The following SEMA4G variants were observed in gnomAD, a reference collection of about 807,000 sequenced individuals.
The protein encoded by SEMA4G is semaphorin 4G, also known as semaphorin-4G.
Under a neutral mutation model 81.2 loss-of-function variants are expected in SEMA4G, and 59 were observed. That is an observed-to-expected ratio of 0.73 (90% confidence interval 0.59 to 0.90). The LOEUF (loss-of-function observed/expected upper bound fraction) is 0.90, where lower values mean the gene tolerates loss of function less well. Ranked by LOEUF, SEMA4G falls within the 40% of genes least tolerant of loss-of-function variation. The pLI is 0.00. For missense variants in SEMA4G, 952 were observed against 1,102.3 expected (o/e 0.86, Z 1.93); for synonymous variants, 404 against 433.9 (o/e 0.93, Z 0.86).
rs576886833 is a variant in SEMA4G, at chr10:100,976,754, G to A, written c.337-878G>A. Among the ~76,000 whole-genome samples the A allele has an allele frequency of 3.9e-5, 6 of 152,348 alleles. No individual in the cohort carries two copies. The South Asian group carries it at 1.0e-3, about 26-fold the overall frequency. On this transcript the variant is annotated intron_variant, in intron 3 of 13. Transcript: ENST00000370250. ...AGTCTTCTTGGCAGGCAACCTGGGA[G>A]ACAGGGATAAATGGGAGACTCCCTG...
rs149008935 is a variant in SEMA4G, at chr10:100,978,305, C to A, written c.446C>A (p.Ala149Asp). The A allele has an allele frequency of 1.4e-4, 228 of 1,612,736 alleles. No homozygotes were observed. The highest frequency in any genetic ancestry group is 1.8e-4 in the Non-Finnish European group (207 of 1,179,500). ...TTCCTTGTTCCCTAGGATGCTGAGG[C>A]CTTCACCTTGCCAACCAGCTTCGAG... Residue 149 changes from alanine (A) to aspartate (D), a missense_variant, in exon 5 of 14, where the codon GCC (alanine) becomes GAC (aspartate). Transcript: ENST00000370250.
chr10:100,979,368 T>G (rs1589988456), intron 8 of SEMA4G, 97 bp downstream of exon 9: 1 of 1,592,302 alleles, frequency 6.3e-7, no homozygotes, highest in Non-Finnish European at 8.5e-7. Flanking sequence ...TGTGGGGAGG[T>G]CTGGCTGCAA....
At position 100,973,470 on chromosome 10, in the gene SEMA4G, TG is replaced by T; in HGVS notation, c.274-73del. 6.7e-7 allele frequency: 1 copy of T among 1,502,802 alleles called. No homozygotes were observed. The highest frequency in any genetic ancestry group is 9.2e-7 in the Non-Finnish European group (1 of 1,084,914). 93.1% of individuals were successfully genotyped at this position (1,502,802 alleles called of 1,614,324 possible). Reference sequence around the variant, plus strand: ...CCCCACCCCAATTTCCCCAACTCTGTGGGGTCCTATTGCCTGGTCCTATGAG... The same window carrying T: ...CCCCACCCCAATTTCCCCAACTCTGTGGGTCCTATTGCCTGGTCCTATGAG... On this transcript the variant is annotated intron_variant, in intron 2 of 13. Coordinates refer to ENST00000370250, the Ensembl canonical transcript of SEMA4G. This position sits in a 1 kb window ranked among gnomAD's most constrained non-coding sequence, Gnocchi z 5.5.
exon 14 of SEMA4G, chr10:100,984,284 C>A: frequency 6.9e-7 from 1 of 1,439,826 alleles, no homozygotes; most frequent in Non-Finnish European, 9.1e-7. Flanking sequence ...GCCAGTCAGG[C>A]CCAGCCAAAG....
Position 100,973,552 on chromosome 10 carries a change from C to G in SEMA4G, c.279C>G (p.His93Gln), listed in dbSNP as rs765388169. The change falls in exon 3 of 14, where the codon CAC (histidine) becomes CAG (glutamine). Residue 93 changes from histidine (H) to glutamine (Q), a missense_variant. By Grantham distance (24) the His-to-Gln change is conservative. Coordinates refer to ENST00000370250, the Ensembl canonical transcript of SEMA4G. This position sits in a 1 kb window ranked among gnomAD's most constrained non-coding sequence, Gnocchi z 5.5. ...ATTCCCTTTGCCTCCACTAGATCCA[C>G]TGGGAAGCCTCCCCAGAGATGCAAA... The G allele has an allele frequency of 9.9e-6, 16 of 1,613,998 alleles. No homozygotes were observed. The highest frequency in any genetic ancestry group is 1.4e-5 in the Non-Finnish European group (16 of 1,180,000).
chr10:100,980,957 G>A lies in SEMA4G; in HGVS notation c.1603G>A (p.Ala535Thr), dbSNP rs761371562. The A allele has an allele frequency of 3.3e-5, 53 of 1,606,358 alleles. 2 individuals carry two copies. The highest frequency in any genetic ancestry group is 1.0e-4 in the South Asian group (9 of 90,218). ...CTGGGACCCTGGCACCCATGCCTGC[G>A]CAGCAGCCACCACCATAGCCAACAG... The change falls in exon 12 of 14, where the codon GCA (alanine) becomes ACA (threonine). Residue 535 changes from alanine to threonine, a missense_variant. Physicochemically the swap from Ala to Thr is moderately conservative, Grantham distance 58. Coordinates refer to ENST00000370250, the Ensembl canonical transcript of SEMA4G.
chr10:100,978,764 G>A (rs999279935), intron 6 of SEMA4G, 85 bp from the exon 8 acceptor site: 5 of 1,570,608 alleles, frequency 3.2e-6, no homozygotes, highest in Non-Finnish European at 4.4e-6. Flanking sequence ...ATTCCTGTGT[G>A]TTGTCAAGTG....
intron 7 of SEMA4G, 37 bp from the exon 9 acceptor site, chr10:100,979,065 G>A: frequency 3.1e-6 from 5 of 1,613,088 alleles, no homozygotes; most frequent in Non-Finnish European, 4.2e-6. Flanking sequence ...CTGGACCTCT[G>A]ACCCTGGCCC....
chr10:100,978,339 G>A (rs374443024), exon 5 of SEMA4G: 13 of 1,613,624 alleles, frequency 8.1e-6, no homozygotes, highest in Admixed American at 1.7e-5. Context: ...AGGAGGGGAA[G>A]GAGAAGTGTC....
At position 100,972,724 on chromosome 10, in the gene SEMA4G, A is replaced by C; in HGVS notation, c.-189A>C. The C allele has an allele frequency of 1.8e-6, 1 of 556,904 alleles. No individual in the cohort carries two copies. Among genetic ancestry groups the C allele is most frequent in the Non-Finnish European group, 3.1e-6 (1 of 318,510 alleles). 34.5% of individuals were successfully genotyped at this position (556,904 alleles called of 1,614,324 possible). A position where few individuals can be genotyped will look rare whatever the true frequency, so the allele number is the denominator to read the frequency against. ...CATGGCCACACAACCCTGTGACTCC[A>C]TGTCCCCCCGATTCCAGGACCCCCC... On this transcript the variant is annotated 5_prime_UTR_variant, in exon 1 of 14. An upstream start codon of the reference 5' UTR is lost. Transcript: ENST00000370250.
chr10:100,980,648 C>T (rs767751429), exon 11 of SEMA4G: 1 of 1,614,186 alleles, frequency 6.2e-7, no homozygotes, highest in South Asian at 1.1e-5. Flanking sequence ...CACAAGTGTT[C>T]AGGGAGTCCC....
intron 12 of SEMA4G, chr10:100,980,989 G>A (rs754808483): frequency 1.3e-5 from 21 of 1,597,246 alleles, no homozygotes; most frequent in South Asian, 2.3e-5. Flanking sequence ...ACAGGTCCCA[G>A]GGAAGCAGGT....
intron 10 of SEMA4G, 85 bp downstream of exon 11, chr10:100,980,429 G>C (rs1564797081): frequency 7.0e-7 from 1 of 1,432,802 alleles, no homozygotes; most frequent in Non-Finnish European, 9.8e-7. Context: ...GACTAGTCTG[G>C]AGTTCCCAGT....
At chr10:100,979,822 C>A in intron 8 of SEMA4G, 26 bp from the exon 10 acceptor site, 1 of 1,611,126 alleles carries the variant, frequency 6.2e-7, no homozygotes, top group Non-Finnish European at 8.5e-7. Flanking sequence ...TGTAACTCAC[C>A]CCCCTTGCCC....
chr10:100,973,584 G>A lies in SEMA4G; in HGVS notation c.311G>A (p.Cys104Tyr). 1 of 1,614,154 alleles carries A rather than the reference G, an allele frequency of 6.2e-7. No homozygotes were observed. ...GCCTCCCCAGAGATGCAAAGCAAAT[G>A]TCATCAAAAAGGGAAAAACAACCAG... Residue 104 changes from cysteine (C) to tyrosine (Y), a missense_variant, in exon 3 of 14, where the codon TGT becomes TAT. Transcript: ENST00000370250. This position sits in a 1 kb window ranked among gnomAD's most constrained non-coding sequence, Gnocchi z 5.5.
exon 14 of SEMA4G, chr10:100,984,007 T>G: frequency 6.2e-7 from 1 of 1,613,114 alleles, no homozygotes; most frequent in Non-Finnish European, 8.5e-7. Context: ...AGCTATGTGC[T>G]TCTGAGGCAG....
chr10:100,983,908 C>T (rs2133906339), exon 14 of SEMA4G: 1 of 1,518,632 alleles, frequency 6.6e-7, no homozygotes, highest in East Asian at 2.5e-5. Flanking sequence ...GCCCCAGCCC[C>T]ACCACCCCCA....
At chr10:100,976,621 G>A (rs1375364661) in intron 3 of SEMA4G, among the ~76,000 whole-genome samples, 4 of 152,152 alleles carry the variant, frequency 2.6e-5, no homozygotes, top group Non-Finnish European at 5.9e-5. Context: ...ACCACACCTG[G>A]CTAGGTTTAC....
intron 3 of SEMA4G, 64 bp from the exon 5 acceptor site, chr10:100,977,568 A>G: frequency 7.6e-7 from 1 of 1,308,406 alleles, no homozygotes; most frequent in Non-Finnish European, 1.1e-6. Context: ...CTACAAAGCT[A>G]GACTAATGGA....
Sources: gnomAD v4.1 joint callset for allele counts (sites outside exome capture counted in the v4.1 genomes callset) on GRCh38, gnomAD v4.1.1 for gene constraint, Gnocchi (gnomAD v3.1) non-coding constraint, MANE v1.5 for transcripts, NCBI Gene and HGNC (gene_info 2026-07-23, HGNC 2026-07-21) for gene names.